Variants in EHBP1L1 observed in about 807,000 individuals in gnomAD.
EHBP1L1 encodes the protein EH domain binding protein 1 like 1.
In EHBP1L1, 122 loss-of-function variants were observed where a neutral mutation model predicts 151.1. The observed-to-expected ratio is 0.81, with a 90% CI of 0.70 to 0.94. EHBP1L1 has a LOEUF of 0.94. Among genes scored for constraint, EHBP1L1 ranks in the 40% least tolerant of loss-of-function variants. The pLI, the probability that EHBP1L1 is intolerant of heterozygous loss-of-function variation, is 0.00. For missense variants in EHBP1L1, 1,941 were observed against 1,959.8 expected, an observed-to-expected ratio of 0.99 and a Z score of 0.18; for synonymous variants, 878 against 810.1, an observed-to-expected ratio of 1.08 and a Z score of -1.42.
Position 65,592,297 on chromosome 11 carries a change from A to T in EHBP1L1, c.4567A>T (p.Ser1523Cys). Residue 1523 changes from serine to cysteine, a missense_variant, in exon 19 of 19, where the codon AGC becomes TGC. Coordinates refer to ENST00000309295, the MANE Select transcript of EHBP1L1 (RefSeq NM_001099409.3). Reference protein sequence around the residue: ...QLSRRERCVLS With the variant: ...QLSRRERCVLC Reference sequence around the variant, plus strand: ...GAGCCGGCGGGAGCGCTGCGTGCTGAGCTGAGGCCGCCGGCCCGGGTGGCC... The same window carrying T: ...GAGCCGGCGGGAGCGCTGCGTGCTGTGCTGAGGCCGCCGGCCCGGGTGGCC... 2 of 1,491,208 alleles carry T rather than the reference A, an allele frequency of 1.3e-6. No homozygotes were observed. The highest frequency in any genetic ancestry group is 2.5e-5 in the South Asian group (2 of 79,014). 92.4% of individuals were successfully genotyped at this position (1,491,208 alleles called of 1,614,324 possible).
intron 6 of EHBP1L1, among the ~76,000 whole-genome samples, chr11:65,580,702 G>A (rs1382513801): frequency 6.6e-6 from 1 of 152,158 alleles, no homozygotes; most frequent in Non-Finnish European, 1.5e-5. Flanking sequence ...ATGTCTCGCT[G>A]GGCTCCTGGG....
At chr11:65,591,137 G>A (rs1186721146) in intron 16 of EHBP1L1, 1 of 161,050 alleles carries the variant, frequency 6.2e-6, no homozygotes, top group Admixed American at 5.8e-5. Context: ...TGTAATCCCA[G>A]CACTTTGGGA....
chr11:65,579,331 T>C lies in EHBP1L1; in HGVS notation c.163-10T>C. ...TAAGATGGGGGGAGGACTCAGATTG[T>C]CCCTTGTAGGCCCACAGCTGGCAGC... On this transcript the variant is annotated splice_polypyrimidine_tract_variant and intron_variant, in intron 2 of 18. Coordinates refer to ENST00000309295, the MANE Select transcript of EHBP1L1 (RefSeq NM_001099409.3). The C allele has an allele frequency of 6.5e-7, 1 of 1,539,718 alleles. No homozygotes were observed. The highest frequency in any genetic ancestry group is 1.4e-5 in the African/African-American group (1 of 73,608).
chr11:65,579,089 A>G lies in EHBP1L1; in HGVS notation c.116A>G (p.Lys39Arg). 6.3e-7 allele frequency: 1 copy of G among 1,590,242 alleles called. No homozygotes were observed. Among genetic ancestry groups the G allele is most frequent in the Non-Finnish European group, 8.6e-7 (1 of 1,168,428 alleles). The change falls in exon 2 of 19, where the codon AAG becomes AGG. Residue 39 changes from lysine (K) to arginine (R), a missense_variant. Physicochemically the swap from Lys to Arg is conservative, Grantham distance 26. Transcript: ENST00000309295. Reference protein sequence around the residue: ...LECTKKWQPDKLVVVWTRRNR... With the variant: ...LECTKKWQPDRLVVVWTRRNR... ...TCCCCCTCCCCCAGGCAGCCAGATA[A>G]GCTGGTGGTGGTATGGACCCGTCGG...
Position 65,580,930 on chromosome 11 carries a change from CG to C in EHBP1L1, c.635-124del, listed in dbSNP as rs1466518591. ...TGTGGGCCTGTCTCTTCTCGCAGGC[CG>C]GGGCGGTGCCCTGAGGCCAGGGCGT... On this transcript the variant is annotated intron_variant, in intron 6 of 18. Transcript: ENST00000309295. 6 of 1,448,290 alleles carry C rather than the reference CG, an allele frequency of 4.1e-6. No individual in the cohort carries two copies. In the South Asian group the frequency reaches 8.8e-5, roughly 21 times the overall value. 89.7% of individuals were successfully genotyped at this position (1,448,290 alleles called of 1,614,324 possible).
Position 65,582,625 on chromosome 11 carries a change from G to A in EHBP1L1, c.1953G>A (p.Leu651=). ...CCCCAGGGACAGAGACTGAGGTATTGGGGACCCAGAAAACAGAAGCTGGGG... is the reference window on the plus strand; with the variant it reads ...CCCCAGGGACAGAGACTGAGGTATTAGGGACCCAGAAAACAGAAGCTGGGG... ...IETPGTETEV[L]GTQKTEAGGS... is the part of the protein sequence containing the mutation. Residue 651 remains leucine (L), a synonymous_variant, in exon 9 of 19, where the codon TTG becomes TTA. Coordinates refer to ENST00000309295, the MANE Select transcript of EHBP1L1 (RefSeq NM_001099409.3). 6.2e-7 allele frequency: 1 copy of A among 1,613,574 alleles called. No homozygotes were observed. The highest frequency in any genetic ancestry group is 2.2e-5 in the East Asian group (1 of 44,878).
chr11:65,581,613 G>C lies in EHBP1L1; in HGVS notation c.941G>C (p.Arg314Pro). ...CTCCGGAAAGGCTCTGATGCCCTCC[G>C]GCCCCCAGTCCCCCAGGGGGAAGAT... ...PRLRKGSDAL[R>P]PPVPQGEDEV... The change falls in exon 9 of 19, where the codon CGG becomes CCG. Residue 314 changes from arginine to proline, a missense_variant. By Grantham distance (103) the Arg-to-Pro change is moderately radical. Transcript: ENST00000309295. 1 of 1,535,172 alleles carries C rather than the reference G, an allele frequency of 6.5e-7. No homozygotes were observed. The highest frequency in any genetic ancestry group is 2.4e-5 in the East Asian group (1 of 41,684).
Position 65,583,482 on chromosome 11 carries a change from C to T in EHBP1L1, c.2810C>T (p.Ala937Val). The T allele has an allele frequency of 6.2e-7, 1 of 1,613,462 alleles. No individual in the cohort carries two copies. Among genetic ancestry groups the T allele is most frequent in the Non-Finnish European group, 8.5e-7 (1 of 1,179,766 alleles). ...SETQVLRVQE[A>V]EAGVWGMSEG... ...ACTCAAGTTCTGAGAGTCCAGGAGG[C>T]AGAGGCTGGGGTTTGGGGGATGTCA... is the stretch of plus-strand genomic sequence containing the variant. The change falls in exon 9 of 19, where the codon GCA becomes GTA. Residue 937 changes from alanine (A) to valine (V), a missense_variant. By Grantham distance (64) the Ala-to-Val change is moderately conservative. Coordinates refer to ENST00000309295, the MANE Select transcript of EHBP1L1 (RefSeq NM_001099409.3).
chr11:65,583,280 G>T lies in EHBP1L1; in HGVS notation c.2608G>T (p.Glu870Ter). 2 of 1,613,632 alleles carry T rather than the reference G, an allele frequency of 1.2e-6. No homozygotes were observed. Among genetic ancestry groups the T allele is most frequent in the Non-Finnish European group, 1.7e-6 (2 of 1,179,796 alleles). ...CCGAGTACTGATGACCCGTAAGACA[G>T]AAATTATAGTTCCAGAGGCTGAGAA... ...EARVLMTRKTEIIVPEAEKEE... is the reference protein window; with the variant it reads ...EARVLMTRKT The change falls in exon 9 of 19, where the codon GAA (glutamate) becomes TAA (stop). Residue 870 changes from glutamate to a stop codon, truncating the protein, a stop_gained. Coordinates refer to ENST00000309295, the MANE Select transcript of EHBP1L1 (RefSeq NM_001099409.3). LOFTEE classifies it high-confidence loss of function.
At position 65,585,261 on chromosome 11, in the gene EHBP1L1, CGG is replaced by C; in HGVS notation, c.3606_3607del (p.Ala1203GlyfsTer114). ...EPKEAADRADGAAPGVASRNA... is the reference protein window; with the variant it reads ...EPKEAADRADXAAPGVASRNA... ...CCAAGGAGGCCGCAGACCGCGCAGACGGGGCGGCCCCGGGGGTGGCCTCCAGG... is the reference window on the plus strand; with the variant it reads ...CCAAGGAGGCCGCAGACCGCGCAGACGGCGGCCCCGGGGGTGGCCTCCAGG... On this transcript the variant is annotated frameshift_variant, in exon 12 of 19. Transcript: ENST00000309295. LOFTEE classifies it high-confidence loss of function. This position sits in a 1 kb window ranked among gnomAD's most constrained non-coding sequence, Gnocchi z 4.0. The C allele has an allele frequency of 9.2e-7, 1 of 1,087,850 alleles. No individual in the cohort carries two copies. The highest frequency in any genetic ancestry group is 1.1e-6 in the Non-Finnish European group (1 of 895,706). The allele number at this position is 1,087,850 out of a possible 1,614,324, so 67.4% of individuals were successfully genotyped here.
At chr11:65,589,379 G>A (rs935976565) in intron 12 of EHBP1L1, among the ~76,000 whole-genome samples, 4 of 152,174 alleles carry the variant, frequency 2.6e-5, no homozygotes, top group African/African-American at 7.2e-5. Context: ...GCGACAGAGC[G>A]AATCTCCATC....
chr11:65,581,362 A>G lies in EHBP1L1; in HGVS notation c.855A>G (p.Ser285=). The G allele has an allele frequency of 6.4e-7, 1 of 1,564,748 alleles. No individual in the cohort carries two copies. Among genetic ancestry groups the G allele is most frequent in the Non-Finnish European group, 8.6e-7 (1 of 1,158,886 alleles). ...GPEAPRPPET[S]PEMRSSRQPA... The stretch of plus-strand genomic sequence containing the variant: ...AGGCCCCAAGGCCCCCGGAAACCTC[A>G]CCAGAGATGAGGTGAGCTTTGGAAC... Residue 285 remains serine, a synonymous_variant, in exon 8 of 19, where the codon TCA becomes TCG. Coordinates refer to ENST00000309295, the MANE Select transcript of EHBP1L1 (RefSeq NM_001099409.3).
chr11:65,578,864 G>A (rs1483869649), intron 1 of EHBP1L1, among the ~76,000 whole-genome samples: 1 of 152,186 alleles, frequency 6.6e-6, no homozygotes, highest in Non-Finnish European at 1.5e-5. Context: ...CTGGGCCTTT[G>A]CCCTTCTGCT....
At position 65,580,133 on chromosome 11, in the gene EHBP1L1, G is replaced by C; in HGVS notation, c.365G>C (p.Arg122Pro). Residue 122 changes from arginine (R) to proline (P), a missense_variant, in exon 5 of 19, where the codon CGC becomes CCC. By Grantham distance (103) the Arg-to-Pro change is moderately radical (BLOSUM62 -2). Transcript: ENST00000309295. ...VLATAEVDLA[R>P]HAGPVPVQVP... ...GCCACGGCCGAGGTGGACCTGGCCCGCCATGCAGGGCCCGTGCCTGTCCAA... is the reference window on the plus strand; with the variant it reads ...GCCACGGCCGAGGTGGACCTGGCCCCCCATGCAGGGCCCGTGCCTGTCCAA... 6.2e-7 allele frequency: 1 copy of C among 1,613,520 alleles called. No individual in the cohort carries two copies. The highest frequency in any genetic ancestry group is 8.5e-7 in the Non-Finnish European group (1 of 1,179,806).
In EHBP1L1 at chr11:65,590,174, G is replaced by A; in HGVS notation, c.4147G>A (p.Glu1383Lys). ...GAGGCAGATAGATGGGCGGGCGGCT[G>A]AGGTGGAGATGCAGCTGAGGAGCCT... Reference protein sequence around the residue: ...EQRQIDGRAAEVEMQLRSLME... With the variant: ...EQRQIDGRAAKVEMQLRSLME... Residue 1383 changes from glutamate to lysine, a missense_variant, in exon 15 of 19, where the codon GAG becomes AAG. Transcript: ENST00000309295. The A allele has an allele frequency of 6.2e-7, 1 of 1,613,762 alleles. No individual in the cohort carries two copies. Among genetic ancestry groups the A allele is most frequent in the East Asian group, 2.2e-5 (1 of 44,880 alleles).
Position 65,592,505 on chromosome 11 carries a change from TGTGCGCGCTCGCGGCGG to T in EHBP1L1, c.*209_*225del, listed in dbSNP as rs1441686353. On this transcript the variant is annotated 3_prime_UTR_variant, in exon 19 of 19. Coordinates refer to ENST00000309295, the MANE Select transcript of EHBP1L1 (RefSeq NM_001099409.3). ...CCGTATTTATTTGTCACCGAGGGTG[TGTGCGCGCTCGCGGCGG>T]GTGCGGGGTCCTCCCCGACGGCACG... The T allele has an allele frequency of 1.4e-4, 32 of 229,804 alleles. No homozygotes were observed. Among genetic ancestry groups the T allele is most frequent in the Non-Finnish European group, 2.2e-4 (29 of 129,366 alleles). The allele number at this position is 229,804 out of a possible 1,614,324, so 14.2% of individuals were successfully genotyped here. A position where few individuals can be genotyped will look rare whatever the true frequency, so the allele number is the denominator to read the frequency against.
At position 65,589,945 on chromosome 11, in the gene EHBP1L1, C is replaced by T. The variant is rs773919494; in HGVS notation, c.4013C>T (p.Ser1338Phe). 3 of 1,566,258 alleles carry T rather than the reference C, an allele frequency of 1.9e-6. No individual in the cohort carries two copies. The highest frequency in any genetic ancestry group is 1.8e-5 in the Admixed American group (1 of 54,402). ...TCATCTCTGTCTGCAGGTGGGAGTTCCCCCTCGGAGGAACCACCCCCAAGC... is the reference window on the plus strand; with the variant it reads ...TCATCTCTGTCTGCAGGTGGGAGTTTCCCCTCGGAGGAACCACCCCCAAGC... Reference protein sequence around the residue: ...ADSQQPPGGSSPSEEPPPSPG... With the variant: ...ADSQQPPGGSFPSEEPPPSPG... Residue 1338 changes from serine to phenylalanine, a missense_variant, in exon 14 of 19, where the codon TCC becomes TTC. Coordinates refer to ENST00000309295, the MANE Select transcript of EHBP1L1 (RefSeq NM_001099409.3).
chr11:65,582,071 G>C lies in EHBP1L1; in HGVS notation c.1399G>C (p.Gly467Arg). The change falls in exon 9 of 19, where the codon GGA (glycine) becomes CGA (arginine). Residue 467 changes from glycine to arginine, a missense_variant. Gly to Arg is a moderately radical substitution (Grantham distance 125, BLOSUM62 -2). Coordinates refer to ENST00000309295, the MANE Select transcript of EHBP1L1 (RefSeq NM_001099409.3). ...TCCAAGGGGCTCTCAGGGGAGGCTG[G>C]GAGTCAGGACCAGGGATGAGGCTCC... ...APPRGSQGRL[G>R]VRTRDEAPSG... 1.2e-6 allele frequency: 2 copies of C among 1,612,274 alleles called. No homozygotes were observed. The highest frequency in any genetic ancestry group is 1.1e-5 in the South Asian group (1 of 91,040).
In EHBP1L1 at chr11:65,581,316, C is replaced by CG. The variant is rs764638519; in HGVS notation, c.815dup (p.Gln273ProfsTer5). 6.2e-6 allele frequency: 10 copies of CG among 1,610,376 alleles called. No individual in the cohort carries two copies. The highest frequency in any genetic ancestry group is 1.1e-5 in the South Asian group (1 of 90,940). The stretch of plus-strand genomic sequence containing the variant: ...CAGGGGTCAGAACGAGCTAATGAAG[C>CG]GGGGGGCCAGGTAGGCCCTGAGGCC... On this transcript the variant is annotated frameshift_variant, in exon 8 of 19. Coordinates refer to ENST00000309295, the MANE Select transcript of EHBP1L1 (RefSeq NM_001099409.3). LOFTEE classifies it high-confidence loss of function.
Sources: allele counts gnomAD v4.1 joint callset (sites outside exome capture counted in the v4.1 genomes callset), GRCh38; gene constraint gnomAD v4.1.1; non-coding constraint Gnocchi (gnomAD v3.1); transcripts MANE v1.5; gene names NCBI Gene and HGNC (gene_info 2026-07-23, HGNC 2026-07-21).